Variants in AK9 observed in about 807,000 individuals in gnomAD.
AK9 encodes the protein adenylate kinase domain containing 1.
In AK9, 191 loss-of-function variants were observed where a neutral mutation model predicts 239.6. The observed-to-expected ratio is 0.80, with a 90% CI of 0.71 to 0.90. The LOEUF is 0.90. Among genes scored for constraint, AK9 ranks in the 40% least tolerant of loss-of-function variants. The pLI is 0.00. For synonymous variants in AK9, 689 were observed against 721.0 expected, an observed-to-expected ratio of 0.96 and a Z score of 0.71; for missense variants, 1,995 against 2,214.7, an observed-to-expected ratio of 0.90 and a Z score of 1.99.
chr6:109,645,590 G>A (rs981562547), intron 8 of AK9, among the ~76,000 whole-genome samples: 19 of 95,244 alleles, frequency 2.0e-4, no homozygotes, highest in African/African-American at 3.7e-4. Context: ...ACAGCTCAAC[G>A]AGGCCTGCCT....
chr6:109,521,657 G>A (rs1328167861), intron 29 of AK9, among the ~76,000 whole-genome samples: 1 of 152,052 alleles, frequency 6.6e-6, no homozygotes, highest in East Asian at 1.9e-4. Context: ...CCAATAAACA[G>A]CACCTGCTAT....
At chr6:109,662,421 C>A in intron 6 of AK9, 130 bp downstream of exon 6, 1 of 733,210 alleles carries the variant, frequency 1.4e-6, no homozygotes, top group Non-Finnish European at 1.9e-6. Context: ...AGAAGTATGA[C>A]TCAGTTCCTG....
chr6:109,672,310 A>T, intron 3 of AK9, 143 bp from the exon 4 acceptor site: 1 of 752,768 alleles, frequency 1.3e-6, no homozygotes, highest in Non-Finnish European at 2.2e-6. Context: ...TATGCATATT[A>T]CTTCACTTAA....
chr6:109,546,559 C>T (rs961673588), intron 25 of AK9, among the ~76,000 whole-genome samples: 3 of 152,026 alleles, frequency 2.0e-5, no homozygotes, highest in African/African-American at 7.3e-5. Flanking sequence ...GTGGATCATC[C>T]ACGGGATGCT....
chr6:109,499,316 T>C (rs888894122), intron 35 of AK9, 76 bp from the exon 36 acceptor site: 7 of 1,194,354 alleles, frequency 5.9e-6, no homozygotes, highest in Non-Finnish European at 7.8e-6. Context: ...ATTAAAATAA[T>C]TTTAATTACA....
intron 8 of AK9, among the ~76,000 whole-genome samples, chr6:109,645,371 C>T (rs1797922869): frequency 6.6e-6 from 1 of 152,290 alleles, no homozygotes; most frequent in African/African-American, 2.4e-5. Context: ...TGCGCTTTTC[C>T]AACAGTCTTA....
At chr6:109,531,654 G>A (rs1364551283) in intron 28 of AK9, among the ~76,000 whole-genome samples, 1 of 152,170 alleles carries the variant, frequency 6.6e-6, no homozygotes, top group African/African-American at 2.4e-5. Context: ...CTGTCATCAC[G>A]GAGATTTCTG....
At chr6:109,548,896 A>G (rs1431698376) in intron 25 of AK9, among the ~76,000 whole-genome samples, 4 of 152,208 alleles carry the variant, frequency 2.6e-5, no homozygotes, top group African/African-American at 9.6e-5. Flanking sequence ...GGCTACTAAG[A>G]GGTGGCAGTG....
At chr6:109,547,766 T>C (rs1484761488) in intron 25 of AK9, among the ~76,000 whole-genome samples, 1 of 145,596 alleles carries the variant, frequency 6.9e-6, no homozygotes, top group Non-Finnish European at 1.5e-5. Context: ...ACCTACAGAA[T>C]AGGAGATAAG....
At chr6:109,507,310 A>T (rs1483797216) in intron 33 of AK9, among the ~76,000 whole-genome samples, 3 of 151,746 alleles carry the variant, frequency 2.0e-5, no homozygotes, top group Non-Finnish European at 4.4e-5. Flanking sequence ...GATGCTCAAG[A>T]AGTAGTATTT....
chr6:109,557,176 C>T (rs529690028), intron 24 of AK9, among the ~76,000 whole-genome samples: 2 of 152,042 alleles, frequency 1.3e-5, no homozygotes, highest in East Asian at 1.9e-4. Flanking sequence ...TTGTGGGGGC[C>T]TTTTTGTTGT....
intron 23 of AK9, 107 bp from the exon 24 acceptor site, chr6:109,563,819 CTT>C (rs1786108586): frequency 2.3e-6 from 3 of 1,309,094 alleles, no homozygotes; most frequent in Non-Finnish European, 3.1e-6. Flanking sequence ...TTATTAGTCT[CTT>C]AGATTAAATA....
chr6:109,609,606 A>C (rs890333387), intron 17 of AK9, among the ~76,000 whole-genome samples: 1 of 152,230 alleles, frequency 6.6e-6, no homozygotes, highest in Non-Finnish European at 1.5e-5. Flanking sequence ...TGAGAACCCG[A>C]GAGTCAGAGA....
chr6:109,531,094 C>A (rs1781182763), intron 28 of AK9, among the ~76,000 whole-genome samples: 1 of 152,044 alleles, frequency 6.6e-6, no homozygotes, highest in African/African-American at 2.4e-5. Context: ...ATTGCCAAAG[C>A]ATACAATGTG....
rs754410584 is a variant in AK9 at position 109,550,311 on chromosome 6, G to C, written c.2752-9C>G. On this transcript the variant is annotated splice_polypyrimidine_tract_variant and intron_variant, in intron 24 of 40. Coordinates refer to ENST00000424296, the MANE Select transcript of AK9 (RefSeq NM_001145128.3). ...TTCATTTTATCTTCACCCTAGAAACGGTATTCAAAGTTTGGAGAACATTAA... is the reference window on the plus strand; with the variant it reads ...TTCATTTTATCTTCACCCTAGAAACCGTATTCAAAGTTTGGAGAACATTAA... The C allele has an allele frequency of 7.5e-6, 12 of 1,594,686 alleles. No homozygotes were observed. Among genetic ancestry groups the C allele is most frequent in the Admixed American group, 1.8e-5 (1 of 57,038 alleles).
intron 36 of AK9, 147 bp downstream of exon 36, chr6:109,498,897 A>T: frequency 1.7e-6 from 1 of 583,868 alleles, no homozygotes; most frequent in Non-Finnish European, 2.8e-6. Flanking sequence ...CTCACTGCTG[A>T]GTTGCTTCAC....
intron 28 of AK9, among the ~76,000 whole-genome samples, chr6:109,530,323 G>C (rs1781063568): frequency 6.6e-6 from 1 of 152,072 alleles, no homozygotes; most frequent in South Asian, 2.1e-4. Context: ...ATGCCTTGTA[G>C]GCATGCAAGA....
chr6:109,521,793 TC>T (rs1257432640), intron 29 of AK9, among the ~76,000 whole-genome samples: 1 of 152,118 alleles, frequency 6.6e-6, no homozygotes, highest in Non-Finnish European at 1.5e-5. Context: ...CATCATTTTT[TC>T]TTCTTATTCA....
chr6:109,540,222 A>C (rs1782674395), intron 27 of AK9, among the ~76,000 whole-genome samples: 1 of 152,220 alleles, frequency 6.6e-6, no homozygotes, highest in East Asian at 1.9e-4. Flanking sequence ...AGATGCAGTC[A>C]GGCCTCCTTG....
Sources: allele counts gnomAD v4.1 joint callset (sites outside exome capture counted in the v4.1 genomes callset), GRCh38; gene constraint gnomAD v4.1.1; transcripts MANE v1.5; gene names NCBI Gene and HGNC (gene_info 2026-07-23, HGNC 2026-07-21).